Variants in KCNMA1 observed in about 807,000 individuals in gnomAD.
KCNMA1 encodes the protein potassium calcium-activated channel subfamily M alpha 1.
In KCNMA1, 29 loss-of-function variants were observed where a neutral mutation model predicts 140.0. That is an observed-to-expected ratio of 0.21 (90% confidence interval 0.15 to 0.28). The LOEUF is 0.28. KCNMA1 is among the 10% of genes least tolerant of loss of function. The pLI, the probability that KCNMA1 is intolerant of heterozygous loss-of-function variation, is 1.00. For missense variants in KCNMA1, 880 were observed against 1,602.2 expected (o/e 0.55, Z 7.70); for synonymous variants, 612 against 611.9 (o/e 1.00, Z 0.00).
At chr10:77,128,056 C>T (rs1346344093) in intron 5 of KCNMA1, among the ~76,000 whole-genome samples, 1 of 151,744 alleles carries the variant, frequency 6.6e-6, no homozygotes, top group African/African-American at 2.4e-5. Flanking sequence ...TTTTATTTTG[C>T]TTTTCTATCT....
chr10:77,506,328 GC>G (rs922261998), intron 1 of KCNMA1, among the ~76,000 whole-genome samples: 8 of 152,086 alleles, frequency 5.3e-5, no homozygotes, highest in Non-Finnish European at 1.0e-4. Flanking sequence ...ACCTAAGGGA[GC>G]CCCCCTACTC....
chr10:77,366,982 C>T lies in KCNMA1; in HGVS notation c.540+36880G>A, dbSNP rs140883359. 5.6e-3 allele frequency among the ~76,000 whole-genome samples: 849 copies of T among 152,322 alleles called. 12 individuals carry two copies. The highest frequency in any genetic ancestry group is 0.027 in the Middle Eastern group (8 of 294). On this transcript the variant is annotated intron_variant, in intron 2 of 27. Coordinates refer to ENST00000286628, the MANE Select transcript of KCNMA1 (RefSeq NM_001161352.2). ...GCCATGATGCTGGTCACCGGGCCTA[C>T]AAGACATAGATCTTGTCTTTGAAAA...
At chr10:77,612,739 T>G (rs1822121544) in intron 1 of KCNMA1, among the ~76,000 whole-genome samples, 2 of 152,174 alleles carry the variant, frequency 1.3e-5, no homozygotes, top group African/African-American at 4.8e-5. Context: ...ATTTCCAATG[T>G]GGGGGTACCT....
chr10:76,969,300 G>GGGAAGGAAGGAAGGAAGGGAGGAAGGAA (rs2075231724), intron 20 of KCNMA1, among the ~76,000 whole-genome samples: 5 of 109,362 alleles, frequency 4.6e-5, no homozygotes, highest in Non-Finnish European at 9.3e-5. Context: ...GAAGGAAGGA[G>GGGAAGGAAGGAAGGAAGGGAGGAAGGAA]GGAAGGAAGG....
At chr10:77,495,194 A>G (rs531929436) in intron 1 of KCNMA1, among the ~76,000 whole-genome samples, 1 of 152,338 alleles carries the variant, frequency 6.6e-6, no homozygotes, top group African/African-American at 2.4e-5. Context: ...TCCTAACATT[A>G]CTAATATACT....
intron 6 of KCNMA1, among the ~76,000 whole-genome samples, chr10:77,115,963 C>T (rs1401682231): frequency 6.6e-6 from 1 of 152,248 alleles, no homozygotes; most frequent in Admixed American, 6.5e-5. Context: ...TTAAGTAGGG[C>T]TCCTTGGGAA....
At chr10:77,266,109 G>C (rs2063369783) in intron 2 of KCNMA1, among the ~76,000 whole-genome samples, 2 of 150,276 alleles carry the variant, frequency 1.3e-5, no homozygotes, top group African/African-American at 4.9e-5. Context: ...CGTAGGCTTA[G>C]ATTTCTGAAA....
At chr10:77,074,526 G>A (rs1463475727) in intron 13 of KCNMA1, among the ~76,000 whole-genome samples, 1 of 152,246 alleles carries the variant, frequency 6.6e-6, no homozygotes. Context: ...CGTCCTCACA[G>A]AGACAGGATG....
intron 2 of KCNMA1, among the ~76,000 whole-genome samples, chr10:77,317,496 G>C (rs1289146789): frequency 6.6e-6 from 1 of 152,210 alleles, no homozygotes; most frequent in Non-Finnish European, 1.5e-5. Context: ...GGATTAGTTG[G>C]GGAGAGAATC....
chr10:77,268,814 A>G (rs4980136), intron 2 of KCNMA1, among the ~76,000 whole-genome samples: 26,823 of 152,128 alleles, frequency 0.18, 2,740 homozygotes, highest in Admixed American at 0.24. Context: ...GGCTGGCTCA[A>G]TTTTGACAGA....
intron 1 of KCNMA1, among the ~76,000 whole-genome samples, chr10:77,544,565 G>A (rs2060970472): frequency 6.6e-6 from 1 of 152,120 alleles, no homozygotes; most frequent in Admixed American, 6.5e-5. Context: ...CTATCTTCTA[G>A]TAATAATATC....
chr10:77,570,113 A>G (rs2154560690), intron 1 of KCNMA1, among the ~76,000 whole-genome samples: 1 of 151,810 alleles, frequency 6.6e-6, no homozygotes, highest in East Asian at 1.9e-4. Flanking sequence ...ATGTGGAGAA[A>G]TAGGAACACT....
chr10:77,102,931 G>A (rs952044363), intron 9 of KCNMA1, among the ~76,000 whole-genome samples: 1 of 152,016 alleles, frequency 6.6e-6, no homozygotes, highest in Non-Finnish European at 1.5e-5. Context: ...TAGTTTGTTC[G>A]CCAATGAACC....
At chr10:77,624,119 C>T (rs956829034) in intron 1 of KCNMA1, among the ~76,000 whole-genome samples, 3 of 152,164 alleles carry the variant, frequency 2.0e-5, no homozygotes, top group African/African-American at 7.2e-5. Flanking sequence ...CTGGAATGCT[C>T]CGTGGAACAG....
chr10:76,949,277 C>G lies in KCNMA1; in HGVS notation c.2574G>C (p.Arg858=). ...GDVSSALIGL[R]NLVMPLRASN... ...TGGCACGGAGCGGCATCACCAGGTT[C>G]CGGAGGCCGATCAGGGCTGAGCTGA... Residue 858 remains arginine, a synonymous_variant, in exon 22 of 28, where the codon CGG becomes CGC. Coordinates refer to ENST00000286628, the MANE Select transcript of KCNMA1 (RefSeq NM_001161352.2). 1 of 1,614,114 alleles carries G rather than the reference C, an allele frequency of 6.2e-7. No individual in the cohort carries two copies. Among genetic ancestry groups the G allele is most frequent in the Non-Finnish European group, 8.5e-7 (1 of 1,180,016 alleles).
intron 4 of KCNMA1, 128 bp downstream of exon 4, chr10:77,184,695 T>A: frequency 2.7e-6 from 2 of 731,398 alleles, no homozygotes; most frequent in Non-Finnish European, 5.0e-6. Context: ...AGACTGAAAA[T>A]CAGAATGCGG....
At chr10:76,878,342 C>T (rs535802299) in intron 29 of KCNMA1, among the ~76,000 whole-genome samples, 1 of 152,242 alleles carries the variant, frequency 6.6e-6, no homozygotes, top group Non-Finnish European at 1.5e-5. Flanking sequence ...GCGAGTGATC[C>T]AGAATCTTAC....
chr10:77,564,997 A>C (rs2067686829), intron 1 of KCNMA1, among the ~76,000 whole-genome samples: 1 of 152,216 alleles, frequency 6.6e-6, no homozygotes, highest in African/African-American at 2.4e-5. Context: ...AGTGGCCAGG[A>C]GGCAAGGGCA....
At position 77,092,850 on chromosome 10, in the gene KCNMA1, G is replaced by GAAATC. The variant is rs564057507; in HGVS notation, c.1224-2345_1224-2341dup. On this transcript the variant is annotated intron_variant, in intron 9 of 27. Coordinates refer to ENST00000286628, the MANE Select transcript of KCNMA1 (RefSeq NM_001161352.2). ...CAGCCAGCATCTCCTCCTCCTCTCT[G>GAAATC]AAATCATTCATCCCTAGGAAAGATG... 1.5e-4 allele frequency among the ~76,000 whole-genome samples: 23 copies of GAAATC among 152,304 alleles called. No individual in the cohort carries two copies. In the East Asian group the frequency reaches 3.3e-3, roughly 22 times the overall value.
Sources: allele counts gnomAD v4.1 joint callset (sites outside exome capture counted in the v4.1 genomes callset), GRCh38; gene constraint gnomAD v4.1.1; transcripts MANE v1.5; gene names NCBI Gene and HGNC (gene_info 2026-07-23, HGNC 2026-07-21).